The following SORBS2 variants were observed in gnomAD, a reference collection of about 807,000 sequenced individuals.
The protein encoded by SORBS2 is sorbin and SH3 domain-containing protein 2.
Under a neutral mutation model 97.7 loss-of-function variants are expected in SORBS2, and 46 were observed. The observed-to-expected ratio is 0.47, with a 90% CI of 0.37 to 0.60. The LOEUF is 0.60. Ranked by LOEUF, SORBS2 falls within the 20% of genes least tolerant of loss-of-function variation. The pLI is 0.00. For synonymous variants in SORBS2, 476 were observed against 473.4 expected, an observed-to-expected ratio of 1.01 and a Z score of -0.07; for missense variants, 1,316 against 1,282.3, an observed-to-expected ratio of 1.03 and a Z score of -0.40.
chr4:185,780,153 T>C (rs1354064942), intron 1 of SORBS2, among the ~76,000 whole-genome samples: 1 of 151,770 alleles, frequency 6.6e-6, no homozygotes, highest in Non-Finnish European at 1.5e-5. Flanking sequence ...ATAGCTGGGA[T>C]TACAGGCATG....
intron 1 of SORBS2, among the ~76,000 whole-genome samples, chr4:185,871,073 A>G (rs2099230167): frequency 6.6e-6 from 1 of 152,218 alleles, no homozygotes; most frequent in South Asian, 2.1e-4. Flanking sequence ...TGCACCTTTG[A>G]ATCAATAAAA....
intron 2 of SORBS2, among the ~76,000 whole-genome samples, chr4:185,718,987 C>T (rs2098488548): frequency 6.6e-6 from 1 of 152,064 alleles, no homozygotes; most frequent in African/African-American, 2.4e-5. Flanking sequence ...TATTTTTGCC[C>T]TGCAAATGAG....
rs143430078 is a variant in SORBS2, at chr4:185,614,448, A to G, written c.2595+383T>C. ...TTCCTAGATTCCAAGATAGAGGAAG[A>G]TAAGGATTGGAATATCTTGTTTTTA... is the stretch of plus-strand genomic sequence containing the variant. On this transcript the variant is annotated intron_variant, in intron 11 of 14. Coordinates refer to ENST00000418609, the Ensembl canonical transcript of SORBS2. Among the ~76,000 whole-genome samples the G allele has an allele frequency of 5.4e-3, 819 of 152,234 alleles. 4 individuals carry two copies. Among genetic ancestry groups the G allele is most frequent in the Non-Finnish European group, 8.6e-3 (583 of 68,006 alleles).
chr4:185,831,041 G>T (rs902091551), intron 1 of SORBS2, among the ~76,000 whole-genome samples: 2 of 152,042 alleles, frequency 1.3e-5, no homozygotes, highest in African/African-American at 4.8e-5. Context: ...ATTCAACACG[G>T]TGTTTCAGAT....
intron 2 of SORBS2, among the ~76,000 whole-genome samples, chr4:185,680,732 G>A (rs563184173): frequency 6.6e-6 from 1 of 152,224 alleles, no homozygotes; most frequent in East Asian, 1.9e-4. Flanking sequence ...GAGGTGCAAG[G>A]GTGCAGGTGC....
At chr4:185,698,950 A>C (rs2098219205) in intron 2 of SORBS2, among the ~76,000 whole-genome samples, 1 of 152,128 alleles carries the variant, frequency 6.6e-6, no homozygotes, top group East Asian at 1.9e-4. Context: ...TACGTGGTGA[A>C]AGTATTACAG....
intron 1 of SORBS2, among the ~76,000 whole-genome samples, chr4:185,943,991 T>TA (rs2099273346): frequency 6.6e-6 from 1 of 152,224 alleles, no homozygotes; most frequent in African/African-American, 2.4e-5. Flanking sequence ...TTTGTTTAAA[T>TA]GTTGAAGGTA....
rs78463765 is a variant in SORBS2, at chr4:185,761,636, G to A, written c.-198+13591C>T. 2.6e-5 allele frequency: 4 copies of A among 152,334 alleles called. No homozygotes were observed. In the East Asian group the frequency reaches 7.7e-4, roughly 29 times the overall value. 9.4% of individuals were successfully genotyped at this position (152,334 alleles called of 1,614,324 possible). On this transcript the variant is annotated intron_variant, in intron 2 of 20. Coordinates refer to the SORBS2 transcript ENST00000284776. ...TCTTATATGTGAATCAGAAAGGAAG[G>A]AAATTAGGAGTAAGTGACAACGAAG...
chr4:185,636,648 A>G (rs199800787), intron 4 of SORBS2, among the ~76,000 whole-genome samples: 1 of 134,006 alleles, frequency 7.5e-6, no homozygotes, highest in Non-Finnish European at 1.6e-5. Context: ...CCAGTTGACT[A>G]TTTTTTTTTT....
chr4:185,819,840 A>C (rs1005761920), intron 1 of SORBS2, among the ~76,000 whole-genome samples: 3 of 152,150 alleles, frequency 2.0e-5, no homozygotes, highest in African/African-American at 7.2e-5. Flanking sequence ...TCAATATCTC[A>C]AAGTATACTT....
At chr4:185,768,720 C>A (rs13103335) in intron 2 of SORBS2, among the ~76,000 whole-genome samples, 28,552 of 93,058 alleles carry the variant, frequency 0.31, 3,251 homozygotes, top group South Asian at 0.35. Flanking sequence ...AACAAAAAAA[C>A]AAAAAAAAAT....
At chr4:185,895,255 A>G (rs1380808095) in intron 1 of SORBS2, among the ~76,000 whole-genome samples, 1 of 152,164 alleles carries the variant, frequency 6.6e-6, no homozygotes, top group Non-Finnish European at 1.5e-5. Context: ...GGTACAGAGG[A>G]CTTGTTTTGG....
intron 2 of SORBS2, among the ~76,000 whole-genome samples, chr4:185,732,452 A>T (rs969601480): frequency 6.6e-6 from 1 of 152,208 alleles, no homozygotes; most frequent in Non-Finnish European, 1.5e-5. Flanking sequence ...TTTCTCAGGG[A>T]GACCAAAGTG....
intron 2 of SORBS2, among the ~76,000 whole-genome samples, chr4:185,722,380 A>T (rs888252527): frequency 2.0e-5 from 3 of 152,272 alleles, no homozygotes; most frequent in African/African-American, 7.2e-5. Flanking sequence ...CTAAATTATT[A>T]TCATTCATGT....
chr4:185,941,905 G>C (rs962618707), intron 1 of SORBS2, among the ~76,000 whole-genome samples: 3 of 152,060 alleles, frequency 2.0e-5, no homozygotes, highest in Non-Finnish European at 4.4e-5. Flanking sequence ...TGTCTGAGGT[G>C]AGGAGATCGA....
chr4:185,785,575 T>C (rs774672175), intron 1 of SORBS2, among the ~76,000 whole-genome samples: 1 of 152,232 alleles, frequency 6.6e-6, no homozygotes, highest in Non-Finnish European at 1.5e-5. Context: ...AACCCAACTC[T>C]ATTACTGCCA....
rs773794914 is a variant in SORBS2, at chr4:185,684,027, C to CAA, written c.-197-5206_-197-5205insTT. Reference sequence around the variant, plus strand: ...CCAACCAGCCAACCAACCAACCAACCCACCAACCAACCCATCACCAACAGG... The same window carrying CAA: ...CCAACCAGCCAACCAACCAACCAACCAACACCAACCAACCCATCACCAACAGG... On this transcript the variant is annotated intron_variant, in intron 2 of 20. Transcript: ENST00000284776. This position sits in a 1 kb window ranked among gnomAD's most constrained non-coding sequence, Gnocchi z 4.2. 0.15 allele frequency among the ~76,000 whole-genome samples: 23,121 copies of CAA among 150,786 alleles called. 2,060 individuals carry two copies. The highest frequency in any genetic ancestry group is 0.22 in the African/African-American group (9,215 of 41,092).
intron 2 of SORBS2, chr4:185,772,272 T>C (rs186993893): frequency 6.6e-6 from 1 of 152,324 alleles, no homozygotes; most frequent in Non-Finnish European, 1.5e-5. Flanking sequence ...CTGAGGGACA[T>C]TGCCTTCACT....
chr4:185,805,490 G>C (rs558705613), intron 1 of SORBS2, among the ~76,000 whole-genome samples: 1 of 152,074 alleles, frequency 6.6e-6, no homozygotes, highest in African/African-American at 2.4e-5. Context: ...TCTCTGTTCC[G>C]GCTGCCATTC....
Sources: allele counts gnomAD v4.1 joint callset (sites outside exome capture counted in the v4.1 genomes callset), GRCh38; gene constraint gnomAD v4.1.1; non-coding constraint Gnocchi (gnomAD v3.1); transcripts MANE v1.5; gene names NCBI Gene and HGNC (gene_info 2026-07-23, HGNC 2026-07-21).